Variants in ARHGAP31 observed in about 807,000 individuals in gnomAD.
ARHGAP31 encodes the protein Rho GTPase activating protein 31.
A neutral mutation model predicts 113.9 loss-of-function variants in ARHGAP31; 34 were observed. The observed-to-expected ratio is 0.30, with a 90% CI of 0.23 to 0.40. The LOEUF is 0.40. Among genes scored for constraint, ARHGAP31 ranks in the 10% least tolerant of loss-of-function variants. ARHGAP31 has a pLI of 1.00. For synonymous variants in ARHGAP31, 650 were observed against 684.8 expected (o/e 0.95, Z 0.79); for missense variants, 1,548 against 1,767.1 (o/e 0.88, Z 2.22).
At chr3:119,367,613 C>A (rs1380238737) in intron 2 of ARHGAP31, among the ~76,000 whole-genome samples, 2 of 152,114 alleles carry the variant, frequency 1.3e-5, no homozygotes, top group Non-Finnish European at 2.9e-5. Context: ...AATCTCAGCA[C>A]TTTGGGAGGC....
intron 6 of ARHGAP31, among the ~76,000 whole-genome samples, chr3:119,385,501 C>T (rs2107633211): frequency 6.6e-6 from 1 of 152,022 alleles, no homozygotes; most frequent in African/African-American, 2.4e-5. Context: ...TTCAACTCTC[C>T]AGTTATAGAT....
In ARHGAP31 at chr3:119,362,055, C is replaced by G. The variant is rs191694567; in HGVS notation, c.101-3261C>G. 2.0e-5 allele frequency among the ~76,000 whole-genome samples: 3 copies of G among 152,312 alleles called. 1 individual carries two copies. The East Asian group carries it at 5.8e-4, about 29-fold the overall frequency. On this transcript the variant is annotated intron_variant, in intron 1 of 11. Transcript: ENST00000264245. ...AGAATGTGTTTTCCCACCTTTGAGACAAATGGAGCCTGAAGTGCTGCAGCT... is the reference window on the plus strand; with the variant it reads ...AGAATGTGTTTTCCCACCTTTGAGAGAAATGGAGCCTGAAGTGCTGCAGCT...
intron 1 of ARHGAP31, among the ~76,000 whole-genome samples, chr3:119,335,055 C>G (rs894786136): frequency 2.6e-5 from 4 of 151,122 alleles, no homozygotes; most frequent in Non-Finnish European, 5.9e-5. Flanking sequence ...GTTGATTGCT[C>G]AGAATTTGAA....
At chr3:119,296,751 A>G (rs977618408) in intron 1 of ARHGAP31, among the ~76,000 whole-genome samples, 19 of 151,544 alleles carry the variant, frequency 1.3e-4, no homozygotes, top group African/African-American at 4.4e-4. Flanking sequence ...TTTCATTTAG[A>G]CAAAAAAAAA....
Position 119,335,804 on chromosome 3 carries a change from G to T in ARHGAP31, c.101-29512G>T, listed in dbSNP as rs150803666. ...TACCTAGGGATTGTTCATGGTTCAT[G>T]AAGACAGCCAATCTGCAAATGGGCA... On this transcript the variant is annotated intron_variant, in intron 1 of 11. Coordinates refer to ENST00000264245, the MANE Select transcript of ARHGAP31 (RefSeq NM_020754.4). 7.2e-4 allele frequency among the ~76,000 whole-genome samples: 110 copies of T among 152,310 alleles called. 1 individual carries two copies. The East Asian group carries it at 0.021, about 29-fold the overall frequency.
intron 1 of ARHGAP31, among the ~76,000 whole-genome samples, chr3:119,300,446 G>T (rs2079571215): frequency 6.6e-6 from 1 of 152,170 alleles, no homozygotes; most frequent in African/African-American, 2.4e-5. Flanking sequence ...TTTATGCAGG[G>T]ATTTCTCAGA....
intron 3 of ARHGAP31, among the ~76,000 whole-genome samples, chr3:119,368,786 A>G (rs2080271324): frequency 2.0e-5 from 3 of 152,176 alleles, no homozygotes; most frequent in African/African-American, 7.2e-5. Flanking sequence ...GCCTTATTGT[A>G]TAGGGAGGAA....
At chr3:119,357,258 G>A (rs1490333031) in intron 1 of ARHGAP31, among the ~76,000 whole-genome samples, 1 of 152,214 alleles carries the variant, frequency 6.6e-6, no homozygotes, top group Non-Finnish European at 1.5e-5. Context: ...GGCTTGAGCT[G>A]AATCCCAAAA....
chr3:119,322,971 G>A (rs1576993501), intron 1 of ARHGAP31, among the ~76,000 whole-genome samples: 1 of 152,300 alleles, frequency 6.6e-6, no homozygotes, highest in East Asian at 1.9e-4. Context: ...AGTAGGGAAC[G>A]GACTCGTTTC....
intron 1 of ARHGAP31, among the ~76,000 whole-genome samples, chr3:119,312,124 A>C (rs1211297030): frequency 6.6e-6 from 1 of 152,248 alleles, no homozygotes; most frequent in Non-Finnish European, 1.5e-5. Context: ...TTTAAATTCC[A>C]GACTGATAAA....
intron 1 of ARHGAP31, among the ~76,000 whole-genome samples, chr3:119,304,756 T>C (rs983191943): frequency 2.6e-5 from 4 of 151,930 alleles, no homozygotes; most frequent in Admixed American, 2.0e-4. Context: ...TTAGCTGGGC[T>C]TGGTGGTGGG....
chr3:119,337,044 A>C (rs1183093772), intron 1 of ARHGAP31, among the ~76,000 whole-genome samples: 1 of 152,254 alleles, frequency 6.6e-6, no homozygotes, highest in East Asian at 1.9e-4. Context: ...CAGTTTATCC[A>C]TTCATCAGTT....
intron 1 of ARHGAP31, among the ~76,000 whole-genome samples, chr3:119,309,479 G>T (rs2079659047): frequency 6.6e-6 from 1 of 152,158 alleles, no homozygotes; most frequent in Non-Finnish European, 1.5e-5. Flanking sequence ...TAGAGGTTGG[G>T]TGCAGTGGCT....
chr3:119,413,568 A>G (rs1368877148), intron 11 of ARHGAP31, among the ~76,000 whole-genome samples: 1 of 152,214 alleles, frequency 6.6e-6, no homozygotes, highest in Non-Finnish European at 1.5e-5. Context: ...TATGACTTAG[A>G]TAAATTGTTT....
At position 119,353,861 on chromosome 3, in the gene ARHGAP31, C is replaced by T. The variant is rs1424576713; in HGVS notation, c.101-11455C>T. ...CTAGTTTCACAATAATTACCCATTCCCTTCTTGGCTTCTTGAAGGCAAAGA... is the reference window on the plus strand; with the variant it reads ...CTAGTTTCACAATAATTACCCATTCTCTTCTTGGCTTCTTGAAGGCAAAGA... On this transcript the variant is annotated intron_variant, in intron 1 of 11. Transcript: ENST00000264245. 3.3e-5 allele frequency among the ~76,000 whole-genome samples: 5 copies of T among 152,048 alleles called. No individual in the cohort carries two copies. In the South Asian group the frequency reaches 8.3e-4, roughly 25 times the overall value.
chr3:119,402,083 A>G lies in ARHGAP31; in HGVS notation c.1331A>G (p.Glu444Gly). The G allele has an allele frequency of 6.2e-7, 1 of 1,614,218 alleles. No individual in the cohort carries two copies. ...CGGCCTGTTGAGGATCCGGAGAGCG[A>G]GCAAACAGCCCCAAAGATGTTGGGT... is the stretch of plus-strand genomic sequence containing the variant. The part of the protein sequence containing the change: ...VFRPVEDPES[E>G]QTAPKMLGMF... Residue 444 changes from glutamate (E) to glycine (G), a missense_variant, in exon 10 of 12, where the codon GAG becomes GGG. Transcript: ENST00000264245.
rs1364647375 is a variant in ARHGAP31 at position 119,415,300 on chromosome 3, T to C, written c.3371T>C (p.Val1124Ala). 1 of 1,614,194 alleles carries C rather than the reference T, an allele frequency of 6.2e-7. No homozygotes were observed. The highest frequency in any genetic ancestry group is 2.2e-5 in the East Asian group (1 of 44,890). Reference protein sequence around the residue: ...PIADLFWFENVASFSSPGMQV... With the variant: ...PIADLFWFENAASFSSPGMQV... ...GCTGACCTCTTCTGGTTTGAGAATG[T>C]GGCCTCATTTAGTTCACCTGGAATG... The change falls in exon 12 of 12, where the codon GTG (valine) becomes GCG (alanine). Residue 1124 changes from valine (V) to alanine (A), a missense_variant. Physicochemically the swap from Val to Ala is moderately conservative, Grantham distance 64. Coordinates refer to ENST00000264245, the MANE Select transcript of ARHGAP31 (RefSeq NM_020754.4).
intron 1 of ARHGAP31, among the ~76,000 whole-genome samples, chr3:119,333,956 A>G (rs76694076): frequency 0.018 from 2,762 of 152,330 alleles, 47 homozygotes; most frequent in East Asian, 0.061. Context: ...GGTCTTTGTT[A>G]TCACCAACAG....
intron 10 of ARHGAP31, among the ~76,000 whole-genome samples, chr3:119,408,750 C>A (rs914919469): frequency 2.6e-5 from 4 of 152,162 alleles, no homozygotes; most frequent in African/African-American, 9.7e-5. Context: ...GTGGAAACAG[C>A]TTTATGCAAA....
Sources: gnomAD v4.1 joint callset for allele counts (sites outside exome capture counted in the v4.1 genomes callset) on GRCh38, gnomAD v4.1.1 for gene constraint, MANE v1.5 for transcripts, NCBI Gene and HGNC (gene_info 2026-07-23, HGNC 2026-07-21) for gene names.